Variants in LSAMP observed in about 807,000 individuals in gnomAD.
The protein encoded by LSAMP is limbic system-associated membrane protein.
In LSAMP, 7 loss-of-function variants were observed where a neutral mutation model predicts 38.6. That is an observed-to-expected ratio of 0.18 (90% CI 0.10 to 0.34). The LOEUF is 0.34. Ranked by LOEUF, LSAMP falls within the 10% of genes least tolerant of loss-of-function variation. The probability of loss-of-function intolerance (pLI) is 1.00; values close to 1 mark genes in which losing one functional copy is unlikely to be tolerated. For synonymous variants in LSAMP, 154 were observed against 166.8 expected (o/e 0.92, Z 0.59); for missense variants, 313 against 420.0 (o/e 0.75, Z 2.23).
intron 1 of LSAMP, among the ~76,000 whole-genome samples, chr3:116,161,263 C>T (rs563243846): frequency 6.6e-6 from 1 of 152,294 alleles, no homozygotes; most frequent in African/African-American, 2.4e-5. Context: ...CATGAAATAA[C>T]ACTTTCTGCA....
At chr3:116,443,001 A>G (rs1006036904) in intron 1 of LSAMP, among the ~76,000 whole-genome samples, 5 of 152,240 alleles carry the variant, frequency 3.3e-5, no homozygotes, top group African/African-American at 7.2e-5. Flanking sequence ...TTTAAGGTAT[A>G]GGAGATGCTA....
chr3:116,087,331 T>C (rs544697976), intron 1 of LSAMP, among the ~76,000 whole-genome samples: 1 of 152,354 alleles, frequency 6.6e-6, no homozygotes, highest in Non-Finnish European at 1.5e-5. Flanking sequence ...ATTGAATTAC[T>C]GCTTTAAAAA....
intron 3 of LSAMP, among the ~76,000 whole-genome samples, chr3:115,921,016 C>A (rs547472141): frequency 6.6e-6 from 1 of 152,060 alleles, no homozygotes; most frequent in Non-Finnish European, 1.5e-5. Context: ...AATATGGCCA[C>A]TCCTGCTCTC....
intron 1 of LSAMP, among the ~76,000 whole-genome samples, chr3:116,135,028 C>T (rs1709217260): frequency 1.3e-5 from 2 of 152,106 alleles, no homozygotes; most frequent in Non-Finnish European, 2.9e-5. Context: ...ACTCAACATA[C>T]ATCACTAAAA....
At chr3:115,810,619 A>G (rs1361597023) in intron 6 of LSAMP, among the ~76,000 whole-genome samples, 1 of 152,202 alleles carries the variant, frequency 6.6e-6, no homozygotes, top group African/African-American at 2.4e-5. Context: ...AAGGGGCATC[A>G]TTGGCTGAAA....
intron 3 of LSAMP, among the ~76,000 whole-genome samples, chr3:115,980,452 G>C (rs1939324855): frequency 6.6e-6 from 1 of 151,702 alleles, no homozygotes; most frequent in Non-Finnish European, 1.5e-5. Context: ...TGGAGTTTTT[G>C]GTTTCTATTT....
chr3:116,413,577 T>C (rs1419463385), intron 1 of LSAMP, among the ~76,000 whole-genome samples: 1 of 152,016 alleles, frequency 6.6e-6, no homozygotes, highest in Non-Finnish European at 1.5e-5. Context: ...AATGATTCAG[T>C]CACCATGAGC....
chr3:116,325,169 G>T (rs947345818), intron 1 of LSAMP, among the ~76,000 whole-genome samples: 1 of 150,624 alleles, frequency 6.6e-6, no homozygotes, highest in African/African-American at 2.4e-5. Context: ...TCACTATGTT[G>T]CCCAGGCTGG....
chr3:116,047,155 G>T (rs1421737543), intron 2 of LSAMP, among the ~76,000 whole-genome samples: 1 of 152,124 alleles, frequency 6.6e-6, no homozygotes, highest in Admixed American at 6.6e-5. Flanking sequence ...CCACAAGCCA[G>T]TCTGATGACT....
chr3:115,841,590 A>G, intron 6 of LSAMP: 1 of 347,414 alleles, frequency 2.9e-6, no homozygotes, highest in Non-Finnish European at 5.2e-6. Flanking sequence ...TAACCAGGAA[A>G]AAACAAAAAA....
At chr3:115,833,394 A>T (rs2972486) in intron 6 of LSAMP, among the ~76,000 whole-genome samples, 1 of 148,702 alleles carries the variant, frequency 6.7e-6, no homozygotes, top group African/African-American at 2.5e-5. Flanking sequence ...CAACAGAGTT[A>T]TTCTAAGCTT....
At chr3:116,312,321 C>T (rs1261821622) in intron 1 of LSAMP, among the ~76,000 whole-genome samples, 1 of 152,218 alleles carries the variant, frequency 6.6e-6, no homozygotes, top group South Asian at 2.1e-4. Context: ...GCTCAGCAAC[C>T]CTGCCCATCT....
At chr3:116,168,912 A>G (rs1487716126) in intron 1 of LSAMP, among the ~76,000 whole-genome samples, 1 of 152,200 alleles carries the variant, frequency 6.6e-6, no homozygotes, top group African/African-American at 2.4e-5. Flanking sequence ...TGAGAGAGAT[A>G]GAGATATAAA....
intron 6 of LSAMP, among the ~76,000 whole-genome samples, chr3:115,830,521 GTTTC>G (rs1934574188): frequency 6.6e-6 from 1 of 152,156 alleles, no homozygotes; most frequent in African/African-American, 2.4e-5. Flanking sequence ...AAAGGTGCAC[GTTTC>G]TTTCTTAGGG....
Position 115,842,468 on chromosome 3 carries a change from C to G in LSAMP, c.760G>C (p.Asp254His), listed in dbSNP as rs764252985. ...VPAPDFEWYR[D>H]DTRINSANGL... Reference sequence around the variant, plus strand: ...AGGTTTGGCACATACCTAGTGTCATCCCGGTACCACTCAAAGTCAGGTGCA... The same window carrying G: ...AGGTTTGGCACATACCTAGTGTCATGCCGGTACCACTCAAAGTCAGGTGCA... Residue 254 changes from aspartate (D) to histidine (H), a missense_variant, in exon 5 of 7, where the codon GAT (aspartate) becomes CAT (histidine). Coordinates refer to ENST00000490035, the MANE Select transcript of LSAMP (RefSeq NM_002338.5). 7 of 1,613,684 alleles carry G rather than the reference C, an allele frequency of 4.3e-6. No individual in the cohort carries two copies. The African/African-American group carries it at 8.0e-5, about 18-fold the overall frequency.
chr3:116,312,615 A>C (rs1231749580), intron 1 of LSAMP, among the ~76,000 whole-genome samples: 1 of 152,084 alleles, frequency 6.6e-6, no homozygotes, highest in Non-Finnish European at 1.5e-5. Context: ...CATTTGTTAG[A>C]TATGCCAGAG....
chr3:116,024,571 T>G (rs1201991079), intron 2 of LSAMP, among the ~76,000 whole-genome samples: 1 of 152,132 alleles, frequency 6.6e-6, no homozygotes, highest in African/African-American at 2.4e-5. Context: ...TTTTCTGAGT[T>G]TTAACGTCTT....
At chr3:115,929,830 C>G (rs571053715) in intron 3 of LSAMP, among the ~76,000 whole-genome samples, 1 of 151,846 alleles carries the variant, frequency 6.6e-6, no homozygotes, top group South Asian at 2.1e-4. Context: ...TACCATGCAC[C>G]CTCTAGCTTC....
At chr3:116,252,476 A>G (rs1358610923) in intron 1 of LSAMP, among the ~76,000 whole-genome samples, 1 of 152,224 alleles carries the variant, frequency 6.6e-6, no homozygotes. Context: ...TGAAGTAGCT[A>G]AAGAATTTTG....
Sources: gnomAD v4.1 joint callset for allele counts (sites outside exome capture counted in the v4.1 genomes callset) on GRCh38, gnomAD v4.1.1 for gene constraint, MANE v1.5 for transcripts, NCBI Gene and HGNC (gene_info 2026-07-23, HGNC 2026-07-21) for gene names.